Variants in ANTXR1 observed in about 807,000 individuals in gnomAD.
ANTXR1 encodes anthrax toxin receptor 1.
Under a neutral mutation model 78.1 loss-of-function variants are expected in ANTXR1, and 19 were observed. That is an observed-to-expected ratio of 0.24 (90% CI 0.17 to 0.36). ANTXR1 has a LOEUF of 0.36. ANTXR1 is among the 10% of genes least tolerant of loss of function. The pLI is 1.00. For missense variants in ANTXR1, 518 were observed against 718.6 expected, an observed-to-expected ratio of 0.72 and a Z score of 3.19; for synonymous variants, 273 against 260.5, an observed-to-expected ratio of 1.05 and a Z score of -0.46.
intron 17 of ANTXR1, among the ~76,000 whole-genome samples, chr2:69,214,120 G>C (rs572438789): frequency 6.6e-6 from 1 of 152,368 alleles, no homozygotes; most frequent in African/African-American, 2.4e-5. Context: ...GTGAGAACCT[G>C]AACATCCATA....
chr2:69,119,479 G>T (rs1043804535), intron 10 of ANTXR1, among the ~76,000 whole-genome samples: 2 of 152,244 alleles, frequency 1.3e-5, no homozygotes, highest in Non-Finnish European at 2.9e-5. Context: ...AGTCAGCCAC[G>T]CCTGTCCCCA....
intron 17 of ANTXR1, among the ~76,000 whole-genome samples, chr2:69,237,367 C>A (rs896510584): frequency 6.6e-6 from 1 of 152,136 alleles, no homozygotes; most frequent in African/African-American, 2.4e-5. Flanking sequence ...AAAAGGGAGC[C>A]GAGAAGGATC....
chr2:69,068,171 T>C (rs761013698), intron 3 of ANTXR1, among the ~76,000 whole-genome samples: 16 of 152,180 alleles, frequency 1.1e-4, no homozygotes, highest in Non-Finnish European at 1.8e-4. Context: ...TTGTTGAAAG[T>C]CTATTATGTT....
chr2:69,205,276 G>T (rs1674868258), intron 17 of ANTXR1, among the ~76,000 whole-genome samples: 1 of 152,130 alleles, frequency 6.6e-6, no homozygotes, highest in African/African-American at 2.4e-5. Context: ...CCTTCTAGTT[G>T]GAGGAACAGC....
chr2:69,083,714 G>A (rs1325733814), intron 8 of ANTXR1, among the ~76,000 whole-genome samples: 1 of 152,136 alleles, frequency 6.6e-6, no homozygotes, highest in Non-Finnish European at 1.5e-5. Flanking sequence ...CACAACAAGA[G>A]GGCAGTCTGT....
intron 13 of ANTXR1, among the ~76,000 whole-genome samples, chr2:69,159,626 T>A (rs1673623427): frequency 6.6e-6 from 1 of 152,210 alleles, no homozygotes. Flanking sequence ...ATCAAATCAC[T>A]GTATTTCTGT....
At chr2:69,187,418 A>T (rs1241160544) in intron 16 of ANTXR1, among the ~76,000 whole-genome samples, 1 of 151,848 alleles carries the variant, frequency 6.6e-6, no homozygotes, top group African/African-American at 2.4e-5. Context: ...CTTAAAAACC[A>T]AAAGAAGAAA....
At chr2:69,047,858 C>G (rs751159045) in intron 3 of ANTXR1, among the ~76,000 whole-genome samples, 1 of 152,068 alleles carries the variant, frequency 6.6e-6, no homozygotes, top group African/African-American at 2.4e-5. Context: ...TTTAGGTAAC[C>G]TGCCGAGGTC....
At chr2:69,164,286 C>A (rs1038246738) in intron 13 of ANTXR1, among the ~76,000 whole-genome samples, 1 of 152,190 alleles carries the variant, frequency 6.6e-6, no homozygotes, top group African/African-American at 2.4e-5. Flanking sequence ...AGCATCACAG[C>A]CCACTCTTGG....
At chr2:69,044,192 G>A (rs1669690061) in intron 2 of ANTXR1, among the ~76,000 whole-genome samples, 1 of 152,112 alleles carries the variant, frequency 6.6e-6, no homozygotes, top group African/African-American at 2.4e-5. Flanking sequence ...ATATTCTTAT[G>A]ACCAGTCAGC....
At chr2:69,164,268 T>G (rs1186626348) in intron 13 of ANTXR1, among the ~76,000 whole-genome samples, 2 of 152,284 alleles carry the variant, frequency 1.3e-5, no homozygotes, top group East Asian at 3.9e-4. Context: ...CATGACGCAA[T>G]GCATCCAAGC....
chr2:69,013,241 C>G lies in ANTXR1; in HGVS notation c.-259C>G. Reference sequence around the variant, plus strand: ...CGGGAGCTGCCCGGCGGCCCCGGACCGAGGCAGCCCTCCCCTTTAAAAGAA... The same window carrying G: ...CGGGAGCTGCCCGGCGGCCCCGGACGGAGGCAGCCCTCCCCTTTAAAAGAA... On this transcript the variant is annotated 5_prime_UTR_variant, in exon 1 of 18. Coordinates refer to ENST00000303714, the MANE Select transcript of ANTXR1 (RefSeq NM_032208.3). The surrounding 1 kb of genome is among the most constrained non-coding windows in gnomAD (Gnocchi z 5.0). 1.7e-6 allele frequency: 1 copy of G among 601,302 alleles called. No homozygotes were observed. The highest frequency in any genetic ancestry group is 2.9e-6 in the Non-Finnish European group (1 of 342,002). The allele number at this position is 601,302 out of a possible 1,614,324, so 37.2% of individuals were successfully genotyped here.
intron 12 of ANTXR1, among the ~76,000 whole-genome samples, chr2:69,143,978 G>A (rs1673146637): frequency 6.6e-6 from 1 of 152,146 alleles, no homozygotes; most frequent in East Asian, 1.9e-4. Context: ...ATAAACTCTG[G>A]GAGAGAGAGA....
chr2:69,126,296 G>C lies in ANTXR1; in HGVS notation c.951+1653G>C, dbSNP rs140665831. Reference sequence around the variant, plus strand: ...GATGGGAAAGTTTTACTTGACCAAAGCAAGAAACTAGGATTGTGTCAGAGA... The same window carrying C: ...GATGGGAAAGTTTTACTTGACCAAACCAAGAAACTAGGATTGTGTCAGAGA... On this transcript the variant is annotated intron_variant, in intron 12 of 17. Transcript: ENST00000303714. 9.0e-3 allele frequency among the ~76,000 whole-genome samples: 1,371 copies of C among 152,226 alleles called. 22 individuals are homozygous for C. The highest frequency in any genetic ancestry group is 0.031 in the African/African-American group (1,300 of 41,512).
At chr2:69,059,554 C>T (rs1670169863) in intron 3 of ANTXR1, among the ~76,000 whole-genome samples, 1 of 151,994 alleles carries the variant, frequency 6.6e-6, no homozygotes, top group Non-Finnish European at 1.5e-5. Flanking sequence ...TCTTGGCTCA[C>T]TGCAACCTCC....
intron 3 of ANTXR1, among the ~76,000 whole-genome samples, chr2:69,046,529 G>T (rs1055566799): frequency 3.9e-5 from 6 of 152,164 alleles, no homozygotes; most frequent in Non-Finnish European, 7.4e-5. Context: ...GGTCAAATGT[G>T]CATCAAACAA....
At chr2:69,016,490 A>C (rs1671030163) in intron 1 of ANTXR1, among the ~76,000 whole-genome samples, 1 of 151,974 alleles carries the variant, frequency 6.6e-6, no homozygotes, top group Admixed American at 6.6e-5. Flanking sequence ...GTCTAACAGC[A>C]GTGGATTTAC....
chr2:69,233,573 T>C (rs72903161), intron 17 of ANTXR1, among the ~76,000 whole-genome samples: 3,648 of 152,070 alleles, frequency 0.024, 155 homozygotes, highest in African/African-American at 0.083. Context: ...TTAACATTAA[T>C]AAAAATATCT....
At chr2:69,105,730 A>T (rs1052639784) in intron 10 of ANTXR1, among the ~76,000 whole-genome samples, 4 of 152,100 alleles carry the variant, frequency 2.6e-5, no homozygotes, top group African/African-American at 9.7e-5. Context: ...TTTTATTTTT[A>T]TATCACATAT....
Sources: allele counts gnomAD v4.1 joint callset (sites outside exome capture counted in the v4.1 genomes callset), GRCh38; gene constraint gnomAD v4.1.1; non-coding constraint Gnocchi (gnomAD v3.1); transcripts MANE v1.5; gene names NCBI Gene and HGNC (gene_info 2026-07-23, HGNC 2026-07-21).